Variants in FBP1 observed in about 807,000 individuals in gnomAD.
The protein encoded by FBP1 is fructose-1,6-bisphosphatase 1.
A neutral mutation model predicts 29.9 loss-of-function variants in FBP1; 22 were observed. That is an observed-to-expected ratio of 0.74 (90% confidence interval 0.53 to 1.05). The LOEUF (loss-of-function observed/expected upper bound fraction) is 1.05. Ranked by LOEUF, FBP1 falls within the 50% of genes least tolerant of loss-of-function variation. FBP1 has a pLI of 0.00. For synonymous variants in FBP1, 175 were observed against 178.6 expected, an observed-to-expected ratio of 0.98 and a Z score of 0.16; for missense variants, 345 against 448.2, an observed-to-expected ratio of 0.77 and a Z score of 2.08.
intron 1 of FBP1, among the ~76,000 whole-genome samples, chr9:94,623,935 G>C (rs1326485945): frequency 1.3e-5 from 2 of 152,186 alleles, no homozygotes; most frequent in Non-Finnish European, 1.5e-5. Context: ...ACAAAAACAA[G>C]GTGACAGGAG....
intron 3 of FBP1, among the ~76,000 whole-genome samples, chr9:94,617,096 A>G (rs1827875481): frequency 6.6e-6 from 1 of 152,220 alleles, no homozygotes; most frequent in South Asian, 2.1e-4. Flanking sequence ...ACAGACAGAT[A>G]GTAAATTTTT....
intron 1 of FBP1, among the ~76,000 whole-genome samples, chr9:94,625,653 G>C (rs1248354331): frequency 2.0e-5 from 3 of 152,228 alleles, no homozygotes; most frequent in African/African-American, 7.2e-5. Context: ...AAATTAGCCG[G>C]GGACGGTGGC....
At chr9:94,639,999 G>C (rs1402258255), upstream of FBP1, 1 of 157,136 alleles carries the variant, frequency 6.4e-6, no homozygotes, top group Non-Finnish European at 1.4e-5. Flanking sequence ...CCTGTCACCT[G>C]GCCCTTCTGT....
At chr9:94,637,225 G>A (rs1053379767) in intron 1 of FBP1, among the ~76,000 whole-genome samples, 1 of 152,094 alleles carries the variant, frequency 6.6e-6, no homozygotes, top group Non-Finnish European at 1.5e-5. Flanking sequence ...TCCTTTACAT[G>A]AATTACCTCC....
Position 94,603,239 on chromosome 9 carries a change from C to G in FBP1, c.*142G>C. 1 of 753,860 alleles carries G rather than the reference C, an allele frequency of 1.3e-6. No homozygotes were observed. The highest frequency in any genetic ancestry group is 2.4e-6 in the Non-Finnish European group (1 of 425,294). 46.7% of individuals were successfully genotyped at this position (753,860 alleles called of 1,614,324 possible). A position where few individuals can be genotyped will look rare whatever the true frequency, so the allele number is the denominator to read the frequency against. On this transcript the variant is annotated 3_prime_UTR_variant, in exon 7 of 7. Coordinates refer to ENST00000375326, the MANE Select transcript of FBP1 (RefSeq NM_000507.4). The stretch of plus-strand genomic sequence containing the variant: ...ATTTGGTTAGGGAGTGCCAAGCATT[C>G]TACAGCATTTGATGGTGGAAATAGT...
At chr9:94,603,928 T>C (rs943842644) in intron 6 of FBP1, 2 of 355,834 alleles carry the variant, frequency 5.6e-6, no homozygotes, top group South Asian at 2.3e-5. Flanking sequence ...TCTGTGTGTG[T>C]TGGATGGAGC....
intron 3 of FBP1, among the ~76,000 whole-genome samples, chr9:94,611,965 C>T (rs2993905): frequency 6.6e-6 from 1 of 151,860 alleles, no homozygotes; most frequent in Admixed American, 6.5e-5. Context: ...TTCTTTCCAC[C>T]GCTTCCCTGC....
intron 1 of FBP1, among the ~76,000 whole-genome samples, chr9:94,631,519 T>C (rs963860509): frequency 3.5e-4 from 53 of 152,328 alleles, no homozygotes; most frequent in African/African-American, 1.1e-3. Flanking sequence ...TTTGTGATGA[T>C]TGGGGGAGGC....
At chr9:94,607,041 C>G (rs2131473320) in intron 4 of FBP1, 89 bp from the exon 5 acceptor site, 1 of 1,581,058 alleles carries the variant, frequency 6.3e-7, no homozygotes, top group East Asian at 2.2e-5. Context: ...CTGGGCTACG[C>G]TGGGCTGGGG....
rs536056480 is a variant in FBP1 at position 94,621,824 on chromosome 9, G to A, written c.171-1333C>T. Among the ~76,000 whole-genome samples, 71 of 152,232 alleles carry A rather than the reference G, an allele frequency of 4.7e-4. 1 individual carries two copies. Among genetic ancestry groups the A allele is most frequent in the African/African-American group, 1.5e-3 (64 of 41,540 alleles). Reference sequence around the variant, plus strand: ...AGGAAGCCTGGGTCGGGGGTAGCCTGAGTTGCGAGCCAAGCCAAGGGGTTT... The same window carrying A: ...AGGAAGCCTGGGTCGGGGGTAGCCTAAGTTGCGAGCCAAGCCAAGGGGTTT... On this transcript the variant is annotated intron_variant, in intron 1 of 6. Transcript: ENST00000375326.
At chr9:94,607,696 G>A (rs1827721831) in intron 4 of FBP1, among the ~76,000 whole-genome samples, 1 of 152,158 alleles carries the variant, frequency 6.6e-6, no homozygotes, top group Non-Finnish European at 1.5e-5. Flanking sequence ...GGGTTCCTGT[G>A]TGTTTTTGGC....
chr9:94,616,380 T>C (rs1269633782), intron 3 of FBP1, among the ~76,000 whole-genome samples: 1 of 145,120 alleles, frequency 6.9e-6, no homozygotes, highest in Non-Finnish European at 1.5e-5. Context: ...TTCACCACTA[T>C]ACAATTCATT....
chr9:94,637,340 C>T (rs1455065962), intron 1 of FBP1, among the ~76,000 whole-genome samples: 1 of 151,036 alleles, frequency 6.6e-6, no homozygotes, highest in Non-Finnish European at 1.5e-5. Flanking sequence ...TGGAGAAATG[C>T]ATTCCAAACC....
intron 5 of FBP1, among the ~76,000 whole-genome samples, chr9:94,606,414 C>T (rs1827701248): frequency 6.6e-6 from 1 of 152,156 alleles, no homozygotes; most frequent in Non-Finnish European, 1.5e-5. Flanking sequence ...CCATCTGGGA[C>T]CATGGACCCC....
intron 2 of FBP1, among the ~76,000 whole-genome samples, chr9:94,618,315 G>T (rs7867069): frequency 6.6e-6 from 1 of 151,674 alleles, no homozygotes; most frequent in Non-Finnish European, 1.5e-5. Flanking sequence ...TGAGGTTGGG[G>T]TGCATAGAGT....
At chr9:94,639,604 C>T (rs1247480516), upstream of FBP1, 3 of 524,468 alleles carry the variant, frequency 5.7e-6, no homozygotes, top group African/African-American at 4.0e-5. Context: ...CCCGCCTACC[C>T]CGCGGACCAG....
intron 3 of FBP1, among the ~76,000 whole-genome samples, chr9:94,611,122 C>G (rs1827778449): frequency 6.6e-6 from 1 of 152,150 alleles, no homozygotes; most frequent in Non-Finnish European, 1.5e-5. Context: ...CTCGGCCTCC[C>G]AAAGTGCTGG....
intron 4 of FBP1, 32 bp from the exon 5 acceptor site, chr9:94,606,984 T>C (rs1397137451): frequency 1.2e-6 from 2 of 1,613,664 alleles, no homozygotes; most frequent in Non-Finnish European, 1.7e-6. Flanking sequence ...GGTGGAGAGA[T>C]GACGAGCGCA....
At chr9:94,607,655 A>G (rs1827720862) in intron 4 of FBP1, among the ~76,000 whole-genome samples, 1 of 152,178 alleles carries the variant, frequency 6.6e-6, no homozygotes, top group Non-Finnish European at 1.5e-5. Context: ...GTGTTGCAGA[A>G]GTCCTATTGC....
Sources: allele counts gnomAD v4.1 joint callset (sites outside exome capture counted in the v4.1 genomes callset), GRCh38; gene constraint gnomAD v4.1.1; transcripts MANE v1.5; gene names NCBI Gene and HGNC (gene_info 2026-07-23, HGNC 2026-07-21).